The following TAP2 variants were observed in gnomAD, a reference collection of about 807,000 sequenced individuals.
The protein encoded by TAP2 is antigen peptide transporter 2.
TAP2 carries 49 observed loss-of-function variants against 74.7 expected under a neutral mutation model. The observed-to-expected ratio is 0.66, with a 90% CI of 0.52 to 0.83. The LOEUF is 0.83. Among genes scored for constraint, TAP2 ranks in the 40% least tolerant of loss-of-function variants. TAP2 has a pLI of 0.00. For synonymous variants in TAP2, 306 were observed against 368.4 expected, an observed-to-expected ratio of 0.83 and a Z score of 1.94; for missense variants, 739 against 859.0, an observed-to-expected ratio of 0.86 and a Z score of 1.75.
At chr6:32,821,950 A>C (rs769598033), downstream of TAP2, 23 of 272,600 alleles carry the variant, frequency 8.4e-5, no homozygotes, top group Admixed American at 9.1e-4. Flanking sequence ...GAGGTGTAAC[A>C]TGAGGGGAAG....
In TAP2 at chr6:32,832,223, G is replaced by A. The variant is rs1407025801; in HGVS notation, c.1272+110C>T. On this transcript the variant is annotated intron_variant, in intron 7 of 11. Transcript: ENST00000374897. This position sits in a 1 kb window ranked among gnomAD's most constrained non-coding sequence, Gnocchi z 5.9. ...TTCTCCATAGCAAAATTACTTGCGG[G>A]TTTTGGTTTTGTATTGTATTGTTAA... 1 of 1,491,394 alleles carries A rather than the reference G, an allele frequency of 6.7e-7. No individual in the cohort carries two copies. Among genetic ancestry groups the A allele is most frequent in the Non-Finnish European group, 9.1e-7 (1 of 1,094,988 alleles). The allele number at this position is 1,491,394 out of a possible 1,614,324, so 92.4% of individuals were successfully genotyped here.
Position 32,828,862 on chromosome 6 carries a change from A to T in TAP2, c.*44T>A. ...CCCAGTATCCCTGGGGCCTCAGTCC[A>T]TCAGCCGCTGCTGCACCAGGCGGGA... On this transcript the variant is annotated 3_prime_UTR_variant, in exon 12 of 12. Transcript: ENST00000374897. 6.6e-6 allele frequency: 10 copies of T among 1,521,448 alleles called. No individual in the cohort carries two copies. Among genetic ancestry groups the T allele is most frequent in the Non-Finnish European group, 8.9e-6 (10 of 1,127,682 alleles). The allele number at this position is 1,521,448 out of a possible 1,614,324, so 94.2% of individuals were successfully genotyped here.
In TAP2 at chr6:32,835,977, T is replaced by C. The variant is rs1471154166; in HGVS notation, c.609-204A>G. On this transcript the variant is annotated intron_variant, in intron 3 of 11. Transcript: ENST00000374897. This position sits in a 1 kb window ranked among gnomAD's most constrained non-coding sequence, Gnocchi z 4.0. ...ACAGAGGAAGAAGAAAGAGGAGACA[T>C]GGTGAGCTAGATGTGAGAACAAAAT... 2.0e-5 allele frequency among the ~76,000 whole-genome samples: 3 copies of C among 151,904 alleles called. No homozygotes were observed.
intron 5 of TAP2, among the ~76,000 whole-genome samples, chr6:32,833,375 A>G (rs1279213846): frequency 6.6e-6 from 1 of 152,222 alleles, no homozygotes; most frequent in Non-Finnish European, 1.5e-5. Flanking sequence ...CATGAAATAC[A>G]AGAAAATATT....
rs1408193598 is a variant in TAP2, at chr6:32,837,909, C to A, written c.325G>T (p.Ala109Ser). 1 of 1,613,026 alleles carries A rather than the reference C, an allele frequency of 6.2e-7. No individual in the cohort carries two copies. Among genetic ancestry groups the A allele is most frequent in the Non-Finnish European group, 8.5e-7 (1 of 1,180,004 alleles). The change falls in exon 2 of 12, where the codon GCG becomes TCG. Residue 109 changes from alanine (A) to serine (S), a missense_variant. By Grantham distance (99) the Ala-to-Ser change is moderately conservative (BLOSUM62 1). Transcript: ENST00000374897. ...WSWLLVGYGA[A>S]GLSWSLWAVL... ...GCCCACAGTGACCAGCTGAGCCCCG[C>A]AGCCCCGTACCCCACCAGCAGCCAG... is the stretch of plus-strand genomic sequence containing the variant.
In TAP2 at chr6:32,829,480, C is replaced by A. The variant is rs1582565271; in HGVS notation, c.1852G>T (p.Ala618Ser). 1 of 1,614,138 alleles carries A rather than the reference C, an allele frequency of 6.2e-7. No individual in the cohort carries two copies. The highest frequency in any genetic ancestry group is 8.5e-7 in the Non-Finnish European group (1 of 1,180,008). Residue 618 changes from alanine (A) to serine (S), a missense_variant, in exon 11 of 12, where the codon GCC becomes TCC. Ala to Ser is a moderately conservative substitution (Grantham distance 99). Coordinates refer to ENST00000374897, the MANE Select transcript of TAP2 (RefSeq NM_001290043.2). ...AAGQKQRLAI[A>S]RALVRDPRVL... is the part of the protein sequence containing the mutation. ...CGCGGGTCTCGTACAAGGGCCCGGG[C>A]AATGGCCAGACGTTGTTTCTGTCCC...
chr6:32,824,016 G>A (rs1039064369), downstream of TAP2, among the ~76,000 whole-genome samples: 9 of 151,654 alleles, frequency 5.9e-5, no homozygotes, highest in South Asian at 2.1e-4. Context: ...GTGTAAATAC[G>A]AGCACTTGAT....
At chr6:32,837,209 A>T (rs1338109519) in intron 3 of TAP2, among the ~76,000 whole-genome samples, 1 of 152,190 alleles carries the variant, frequency 6.6e-6, no homozygotes, top group Non-Finnish European at 1.5e-5. Flanking sequence ...AGGAGGTAGG[A>T]GGCAGAAAGA....
chr6:32,827,154 T>C lies in TAP2; in HGVS notation c.*1752A>G, dbSNP rs532565598. The stretch of plus-strand genomic sequence containing the variant: ...CAAAACAGCAGTTCTGGGGAATTCA[T>C]TGCCAGCACTGGAAACTACCTGCTG... On this transcript the variant is annotated 3_prime_UTR_variant, in exon 12 of 12. Transcript: ENST00000374897. 2 of 985,588 alleles carry C rather than the reference T, an allele frequency of 2.0e-6. No individual in the cohort carries two copies. Among genetic ancestry groups the C allele is most frequent in the South Asian group, 9.4e-5 (2 of 21,284 alleles). 61.1% of individuals were successfully genotyped at this position (985,588 alleles called of 1,614,324 possible).
intron 3 of TAP2, among the ~76,000 whole-genome samples, chr6:32,836,378 T>C (rs768020171): frequency 3.2e-4 from 48 of 152,366 alleles, no homozygotes; most frequent in Non-Finnish European, 4.9e-4. Context: ...CATAAAAGCA[T>C]GTATTTTACA....
Position 32,835,719 on chromosome 6 carries a change from G to T in TAP2, c.663C>A (p.Ile221=). 1 of 1,613,102 alleles carries T rather than the reference G, an allele frequency of 6.2e-7. No homozygotes were observed. Among genetic ancestry groups the T allele is most frequent in the South Asian group, 1.1e-5 (1 of 91,074 alleles). The change falls in exon 4 of 12, where the codon ATC becomes ATA. Residue 221 remains isoleucine, a synonymous_variant. Transcript: ENST00000374897. The surrounding 1 kb of genome is among the most constrained non-coding windows in gnomAD (Gnocchi z 4.0). The stretch of plus-strand genomic sequence containing the variant: ...AAAGCTGCTCCCGGATCCGCAAGTT[G>T]ATTCGAGACATGGTGTAGGTGAAGC... ...GGCFTYTMSR[I]NLRIREQLFS...
Position 32,826,402 on chromosome 6 carries a change from G to A in TAP2, c.*2504C>T, listed in dbSNP as rs2127347464. The stretch of plus-strand genomic sequence containing the variant: ...GGTGGGAAAGATACTGCAGGTAAGC[G>A]ACAAGAAGGGGAAATTACAGGGTAA... On this transcript the variant is annotated 3_prime_UTR_variant, in exon 12 of 12. Coordinates refer to ENST00000374897, the MANE Select transcript of TAP2 (RefSeq NM_001290043.2). The A allele has an allele frequency of 2.0e-6, 2 of 985,350 alleles. No homozygotes were observed. Among genetic ancestry groups the A allele is most frequent in the South Asian group, 4.7e-5 (1 of 21,284 alleles). The allele number at this position is 985,350 out of a possible 1,614,324, so 61.0% of individuals were successfully genotyped here.
chr6:32,827,015 G>C lies in TAP2; in HGVS notation c.*1891C>G. The C allele has an allele frequency of 7.1e-6, 7 of 985,374 alleles. No homozygotes were observed. Among genetic ancestry groups the C allele is most frequent in the Non-Finnish European group, 8.4e-6 (7 of 829,912 alleles). 61.0% of individuals were successfully genotyped at this position (985,374 alleles called of 1,614,324 possible). A position where few individuals can be genotyped will look rare whatever the true frequency, so the allele number is the denominator to read the frequency against. ...GAAATTTGAGAGATGGATGGGTGTG[G>C]AGCTGCAAGTCAGCCCCAGGATGAA... is the stretch of plus-strand genomic sequence containing the variant. On this transcript the variant is annotated 3_prime_UTR_variant, in exon 12 of 12. Coordinates refer to ENST00000374897, the MANE Select transcript of TAP2 (RefSeq NM_001290043.2).
rs1173591382 is a variant in TAP2, at chr6:32,835,932, A to C, written c.609-159T>G. ...AGAAATGAGAGACAGACACACAGAG[A>C]GAGAAGAGGTAAGGAATACACAGAG... On this transcript the variant is annotated intron_variant, in intron 3 of 11. Coordinates refer to ENST00000374897, the MANE Select transcript of TAP2 (RefSeq NM_001290043.2). This position sits in a 1 kb window ranked among gnomAD's most constrained non-coding sequence, Gnocchi z 4.0. Among the ~76,000 whole-genome samples the C allele has an allele frequency of 6.6e-6, 1 of 152,140 alleles. No homozygotes were observed. Among genetic ancestry groups the C allele is most frequent in the African/African-American group, 2.4e-5 (1 of 41,418 alleles).
rs901843292 is a variant in TAP2, at chr6:32,828,323, G to C, written c.*583C>G. The C allele has an allele frequency of 2.0e-6, 2 of 985,486 alleles. No homozygotes were observed. Among genetic ancestry groups the C allele is most frequent in the South Asian group, 4.7e-5 (1 of 21,280 alleles). The allele number at this position is 985,486 out of a possible 1,614,324, so 61.0% of individuals were successfully genotyped here. On this transcript the variant is annotated 3_prime_UTR_variant, in exon 12 of 12. Transcript: ENST00000374897. The stretch of plus-strand genomic sequence containing the variant: ...CAGGGAACTGTTCTCTGTCCCTCCA[G>C]ACCCTAGCTTCTTCAAAATAGCAGA...
downstream of TAP2, among the ~76,000 whole-genome samples, chr6:32,822,621 C>G (rs904482218): frequency 1.3e-5 from 2 of 148,624 alleles, no homozygotes; most frequent in East Asian, 3.9e-4. Context: ...CTCACTGCAG[C>G]CTTGAACTGG....
chr6:32,827,310 A>G lies in TAP2; in HGVS notation c.*1596T>C, dbSNP rs17213791. 4 of 985,296 alleles carry G rather than the reference A, an allele frequency of 4.1e-6. No homozygotes were observed. The South Asian group carries it at 1.9e-4, about 46-fold the overall frequency. 61.0% of individuals were successfully genotyped at this position (985,296 alleles called of 1,614,324 possible). ...GTGGGCAGGGAGGATTAAGATTAGT[A>G]CGATGGTGGAGATATTTATTCATTT... On this transcript the variant is annotated 3_prime_UTR_variant, in exon 12 of 12. Coordinates refer to ENST00000374897, the MANE Select transcript of TAP2 (RefSeq NM_001290043.2).
chr6:32,829,328 T>G, intron 11 of TAP2, 72 bp downstream of exon 11: 1 of 1,550,574 alleles, frequency 6.4e-7, no homozygotes, highest in Non-Finnish European at 8.7e-7. Flanking sequence ...CTCTGCCCAA[T>G]TCTGCACAGT....
At position 32,837,621 on chromosome 6, in the gene TAP2, C is replaced by T. The variant is rs1769502410; in HGVS notation, c.524G>A (p.Arg175His). 6 of 1,614,092 alleles carry T rather than the reference C, an allele frequency of 3.7e-6. No homozygotes were observed. Among genetic ancestry groups the T allele is most frequent in the Admixed American group, 1.7e-5 (1 of 60,018 alleles). Residue 175 changes from arginine to histidine, a missense_variant, in exon 3 of 12, where the codon CGT becomes CAT. Arg to His is a conservative substitution (Grantham distance 29, BLOSUM62 0). Coordinates refer to ENST00000374897, the MANE Select transcript of TAP2 (RefSeq NM_001290043.2). ...ATCACCTCCCAGGATGTCAATCACA[C>T]GACCAGAATAGTGAGGGATTAATGT... is the stretch of plus-strand genomic sequence containing the variant. ...GETLIPHYSG[R>H]VIDILGGDFD...
Sources: allele counts gnomAD v4.1 joint callset (sites outside exome capture counted in the v4.1 genomes callset), GRCh38; gene constraint gnomAD v4.1.1; non-coding constraint Gnocchi (gnomAD v3.1); transcripts MANE v1.5; gene names NCBI Gene and HGNC (gene_info 2026-07-23, HGNC 2026-07-21).